The following ATXN7 variants were observed in gnomAD, a reference collection of about 807,000 sequenced individuals.
ATXN7 encodes the protein ataxin 7, also known as ataxin-7.
Under a neutral mutation model 70.5 loss-of-function variants are expected in ATXN7, and 12 were observed. The observed-to-expected ratio is 0.17, with a 90% CI of 0.11 to 0.28. The LOEUF (loss-of-function observed/expected upper bound fraction) is 0.28, where lower values mean the gene tolerates loss of function less well. Ranked by LOEUF, ATXN7 falls within the 10% of genes least tolerant of loss-of-function variation. ATXN7 has a pLI of 1.00. For missense variants in ATXN7, 1,256 were observed against 1,131.7 expected, an observed-to-expected ratio of 1.11 and a Z score of -1.58; for synonymous variants, 498 against 448.7, an observed-to-expected ratio of 1.11 and a Z score of -1.39.
Position 63,988,332 on chromosome 3 carries a change from A to G in ATXN7, c.1361+8A>G. 6.2e-7 allele frequency: 1 copy of G among 1,614,012 alleles called. No individual in the cohort carries two copies. Reference sequence around the variant, plus strand: ...CACCCCCAGTCTTCCAAGGTAAGCCAGGCCCTCCAACTCTTTCTCCCACCT... The same window carrying G: ...CACCCCCAGTCTTCCAAGGTAAGCCGGGCCCTCCAACTCTTTCTCCCACCT... On this transcript the variant is annotated splice_region_variant and intron_variant, in intron 9 of 12. Transcript: ENST00000674280.
chr3:63,996,094 C>T lies in ATXN7; in HGVS notation c.2272C>T (p.Leu758Phe). ...STVTSSHSIG[L>F]NCVTNKANAV... ...GGTAACATCTTCCCATAGCATCGGC[C>T]TCAACTGTGTGACGAATAAAGCAAA... The change falls in exon 12 of 13, where the codon CTC becomes TTC. Residue 758 changes from leucine (L) to phenylalanine (F), a missense_variant. By Grantham distance (22) the Leu-to-Phe change is conservative. Coordinates refer to ENST00000674280, the MANE Select transcript of ATXN7 (RefSeq NM_001377405.1). 3.7e-6 allele frequency: 6 copies of T among 1,614,228 alleles called. No homozygotes were observed. Among genetic ancestry groups the T allele is most frequent in the Non-Finnish European group, 5.1e-6 (6 of 1,180,048 alleles).
chr3:63,947,994 T>C (rs1354913327), intron 4 of ATXN7, among the ~76,000 whole-genome samples: 1 of 152,168 alleles, frequency 6.6e-6, no homozygotes. Flanking sequence ...GCTGGAGTTC[T>C]ATTCCAAGAG....
rs368680415 is a variant in ATXN7, at chr3:63,986,401, A to G, written c.1096-1658A>G. On this transcript the variant is annotated intron_variant, in intron 8 of 12. Transcript: ENST00000674280. ...TTAGGCTTCAAACTGAGCTGGGAAA[A>G]TGTATCTGCCTGCTTTCTTCATTTG... 3.2e-4 allele frequency among the ~76,000 whole-genome samples: 48 copies of G among 152,276 alleles called. 1 individual carries two copies. Among genetic ancestry groups the G allele is most frequent in the African/African-American group, 1.1e-3 (47 of 41,548 alleles).
chr3:63,865,241 T>C (rs1702373098), intron 1 of ATXN7: 1 of 152,236 alleles, frequency 6.6e-6, no homozygotes, highest in African/African-American at 2.4e-5. Context: ...TGTACAATTT[T>C]AGTCATATTA....
In ATXN7 at chr3:63,995,603, T is replaced by C. The variant is rs372051444; in HGVS notation, c.1781T>C (p.Leu594Pro). The C allele has an allele frequency of 1.2e-5, 20 of 1,614,186 alleles. No individual in the cohort carries two copies. The highest frequency in any genetic ancestry group is 2.2e-5 in the East Asian group (1 of 44,882). Residue 594 changes from leucine to proline, a missense_variant, in exon 12 of 13, where the codon CTG becomes CCG. Leu to Pro is a moderately conservative substitution (Grantham distance 98). Coordinates refer to ENST00000674280, the MANE Select transcript of ATXN7 (RefSeq NM_001377405.1). Reference sequence around the variant, plus strand: ...ACATCACAATGTGGAGTCAGCTATCTGGCAGCAGCCACCGTCTCTACATCC... The same window carrying C: ...ACATCACAATGTGGAGTCAGCTATCCGGCAGCAGCCACCGTCTCTACATCC... ...VPTSQCGVSYLAAATVSTSPV... is the reference protein window; with the variant it reads ...VPTSQCGVSYPAAATVSTSPV...
Position 63,996,312 on chromosome 3 carries a change from C to T in ATXN7, c.2490C>T (p.Asp830=), listed in dbSNP as rs768170259. 29 of 1,614,044 alleles carry T rather than the reference C, an allele frequency of 1.8e-5. No individual in the cohort carries two copies. Among genetic ancestry groups the T allele is most frequent in the South Asian group, 3.3e-5 (3 of 91,094 alleles). ...TTTCCCACTCACACACTCCTCTAGA[C>T]AAACTCATAGGAAAGAAAAGAAAGT... The part of the protein sequence containing the change: ...GSFSHSHTPL[D]KLIGKKRKCS... The change falls in exon 12 of 13, where the codon GAC becomes GAT. Residue 830 remains aspartate, a synonymous_variant. Transcript: ENST00000674280.
chr3:63,975,995 T>G (rs1263950245), intron 5 of ATXN7, among the ~76,000 whole-genome samples: 1 of 152,180 alleles, frequency 6.6e-6, no homozygotes, highest in Non-Finnish European at 1.5e-5. Context: ...AGGGACAGAG[T>G]GTGCTTTCTC....
chr3:63,941,030 C>A (rs1220408084), intron 4 of ATXN7, among the ~76,000 whole-genome samples: 2 of 152,152 alleles, frequency 1.3e-5, no homozygotes, highest in African/African-American at 4.8e-5. Flanking sequence ...ACCTGCCATT[C>A]CTAACGCAGG....
chr3:63,973,357 A>T (rs1294851553), intron 5 of ATXN7, among the ~76,000 whole-genome samples: 2 of 152,112 alleles, frequency 1.3e-5, no homozygotes, highest in South Asian at 2.1e-4. Context: ...TGTGTTGTGT[A>T]TTGGTTGGTG....
Position 63,912,923 on chromosome 3 carries a change from G to C in ATXN7, c.325G>C (p.Gly109Arg). 2 of 1,610,092 alleles carry C rather than the reference G, an allele frequency of 1.2e-6. No homozygotes were observed. The highest frequency in any genetic ancestry group is 1.7e-6 in the Non-Finnish European group (2 of 1,177,840). The change falls in exon 3 of 13, where the codon GGG becomes CGG. Residue 109 changes from glycine (G) to arginine (R), a missense_variant and splice_region_variant. Transcript: ENST00000674280. Reference sequence around the variant, plus strand: ...GGCTTCCAAACTTCCTGGGAAGGACGGTGAGTGTCCACGCCCTCCTCCCCC... The same window carrying C: ...GGCTTCCAAACTTCCTGGGAAGGACCGTGAGTGTCCACGCCCTCCTCCCCC... ...VEASKLPGKD[G>R]TELDESFKEF...
chr3:63,980,377 A>C, intron 6 of ATXN7: 1 of 647,384 alleles, frequency 1.5e-6, no homozygotes, highest in Non-Finnish European at 2.6e-6. Flanking sequence ...GGTTACTAAC[A>C]TTTATTGATC....
intron 5 of ATXN7, among the ~76,000 whole-genome samples, chr3:63,953,560 G>A (rs917507303): frequency 6.6e-6 from 1 of 152,104 alleles, no homozygotes; most frequent in African/African-American, 2.4e-5. Flanking sequence ...GAGAAGGACA[G>A]AAGTAGGGGG....
chr3:63,907,741 C>A (rs1235281627), intron 2 of ATXN7, among the ~76,000 whole-genome samples: 1 of 151,878 alleles, frequency 6.6e-6, no homozygotes, highest in East Asian at 1.9e-4. Context: ...GACCATCACG[C>A]CTGGCCTCCA....
rs1288316010 is a variant in ATXN7, at chr3:63,996,496, C to G, written c.2661+13C>G. 3.1e-6 allele frequency: 5 copies of G among 1,611,814 alleles called. No homozygotes were observed. The East Asian group carries it at 1.1e-4, about 36-fold the overall frequency. ...CCTCCTTCATCAGGTAGGAAATGGA[C>G]TGTGAGCCCCATGGGAATGCCCATT... On this transcript the variant is annotated intron_variant, in intron 12 of 12. Transcript: ENST00000674280.
chr3:63,908,087 A>T (rs1703900670), intron 2 of ATXN7, among the ~76,000 whole-genome samples: 1 of 152,200 alleles, frequency 6.6e-6, no homozygotes, highest in African/African-American at 2.4e-5. Context: ...CTATAGAATG[A>T]GTATGTGTAC....
intron 1 of ATXN7, among the ~76,000 whole-genome samples, chr3:63,865,844 C>G (rs1314300672): frequency 1.6e-5 from 2 of 126,588 alleles, no homozygotes; most frequent in Middle Eastern, 0.011. Flanking sequence ...GCAGTGAGCC[C>G]AGATCCCGCC....
chr3:63,954,715 T>G (rs902094067), intron 5 of ATXN7, among the ~76,000 whole-genome samples: 15 of 148,782 alleles, frequency 1.0e-4, no homozygotes, highest in African/African-American at 2.0e-4. Context: ...TTTTTTGTTT[T>G]TTTTTTTTTT....
intron 4 of ATXN7, among the ~76,000 whole-genome samples, chr3:63,947,159 TG>T (rs2074877542): frequency 6.6e-6 from 1 of 152,228 alleles, no homozygotes; most frequent in African/African-American, 2.4e-5. Context: ...TCATAGACTG[TG>T]GGCAAACATT....
intron 4 of ATXN7, among the ~76,000 whole-genome samples, chr3:63,916,701 G>A (rs1276766188): frequency 2.0e-5 from 3 of 152,180 alleles, no homozygotes; most frequent in African/African-American, 7.2e-5. Context: ...ATTATTTGTG[G>A]TTTAGGTAGT....
Sources: allele counts gnomAD v4.1 joint callset (sites outside exome capture counted in the v4.1 genomes callset), GRCh38; gene constraint gnomAD v4.1.1; transcripts MANE v1.5; gene names NCBI Gene and HGNC (gene_info 2026-07-23, HGNC 2026-07-21).